The following IGFN1 variants were observed in gnomAD, a reference collection of about 807,000 sequenced individuals.
The protein encoded by IGFN1 is immunoglobulin like and fibronectin type III domain containing 1, also known as immunoglobulin-like and fibronectin type III domain-containing protein 1.
IGFN1 carries 253 observed loss-of-function variants against 289.5 expected under a neutral mutation model. The observed-to-expected ratio is 0.87, with a 90% CI of 0.79 to 0.97. The LOEUF (loss-of-function observed/expected upper bound fraction) is 0.97. IGFN1 is among the 50% of genes least tolerant of loss of function. IGFN1 has a pLI of 0.00. For missense variants in IGFN1, 4,470 were observed against 4,686.1 expected (o/e 0.95, Z 1.35); for synonymous variants, 1,706 against 1,788.5 (o/e 0.95, Z 1.16).
Position 201,221,711 on chromosome 1 carries a change from C to A in IGFN1, c.10166C>A (p.Ala3389Asp), listed in dbSNP as rs935923217. 6.2e-7 allele frequency: 1 copy of A among 1,608,926 alleles called. No homozygotes were observed. Among genetic ancestry groups the A allele is most frequent in the Non-Finnish European group, 8.5e-7 (1 of 1,177,164 alleles). Residue 3389 changes from alanine (A) to aspartate (D), a missense_variant, in exon 19 of 24, where the codon GCC (alanine) becomes GAC (aspartate). Ala to Asp is a moderately radical substitution (Grantham distance 126). This residue lies in a region of IGFN1 where 2,218 missense variants were observed against 2,114.1 expected (regional missense o/e 1.05). Coordinates refer to ENST00000335211, the MANE Select transcript of IGFN1 (RefSeq NM_001164586.2). ...VNEGGQSQPS[A>D]LDTLVQAMPV... Reference sequence around the variant, plus strand: ...GAAGGAGGCCAGAGCCAGCCCAGTGCCCTGGACACATTAGTGCAAGCCATG... The same window carrying A: ...GAAGGAGGCCAGAGCCAGCCCAGTGACCTGGACACATTAGTGCAAGCCATG...
chr1:201,210,850 G>A lies in IGFN1; in HGVS notation c.5957G>A (p.Gly1986Asp). The stretch of plus-strand genomic sequence containing the variant: ...GAAGGTTTCAGGGATGGTTTAGGGG[G>A]TTCTGAGGAAATGGGGTCAATGGAT... ...SKEGFRDGLG[G>D]SEEMGSMDEA... Residue 1986 changes from glycine (G) to aspartate (D), a missense_variant, in exon 12 of 24, where the codon GGT becomes GAT. By Grantham distance (94) the Gly-to-Asp change is moderately conservative. Coordinates refer to ENST00000335211, the MANE Select transcript of IGFN1 (RefSeq NM_001164586.2). 1.9e-5 allele frequency: 29 copies of A among 1,534,890 alleles called. 1 individual carries two copies. The highest frequency in any genetic ancestry group is 2.5e-5 in the East Asian group (1 of 40,726).
chr1:201,219,620 G>T (rs55792809), intron 18 of IGFN1, among the ~76,000 whole-genome samples: 12 of 152,200 alleles, frequency 7.9e-5, no homozygotes, highest in Admixed American at 3.3e-4. Flanking sequence ...GTTTGCCTAC[G>T]CCAAGTCCTC....
chr1:201,212,493 G>A lies in IGFN1; in HGVS notation c.7600G>A (p.Val2534Met), dbSNP rs1413357553. The change falls in exon 12 of 24, where the codon GTG becomes ATG. Residue 2534 changes from valine (V) to methionine (M), a missense_variant. By Grantham distance (21) the Val-to-Met change is conservative (BLOSUM62 1). Around this residue, in one of 8 missense-constraint regions of IGFN1, gnomAD observed 2,218 missense variants for 2,114.1 expected, o/e 1.05. Coordinates refer to ENST00000335211, the MANE Select transcript of IGFN1 (RefSeq NM_001164586.2). Reference sequence around the variant, plus strand: ...TGGGTTTCTTGATGGCAAGGGGGCAGTGGAAGGTGAGACCTGGGCAGGAAT... The same window carrying A: ...TGGGTTTCTTGATGGCAAGGGGGCAATGGAAGGTGAGACCTGGGCAGGAAT... ...ASGFLDGKGA[V>M]EGETWAGMAA... 6.5e-7 allele frequency: 1 copy of A among 1,542,420 alleles called. No homozygotes were observed. Among genetic ancestry groups the A allele is most frequent in the Non-Finnish European group, 8.7e-7 (1 of 1,146,846 alleles).
intron 23 of IGFN1, among the ~76,000 whole-genome samples, 180 bp from the exon 24 acceptor site, chr1:201,228,206 G>A (rs1198657472): frequency 6.6e-6 from 1 of 152,190 alleles, no homozygotes; most frequent in Non-Finnish European, 1.5e-5. Context: ...GTTCCCCGAG[G>A]GGCCAGCAAA....
Position 201,207,910 on chromosome 1 carries a change from G to A in IGFN1, c.3017G>A (p.Gly1006Glu), listed in dbSNP as rs768179777. ...RAPAGVESEE[G>E]GGYRHGSGAP... is the part of the protein sequence containing the mutation. ...CCTGCGGGAGTGGAGTCTGAGGAAG[G>A]GGGTGGGTACAGGCATGGCTCCGGA... The change falls in exon 12 of 24, where the codon GGG becomes GAG. Residue 1006 changes from glycine (G) to glutamate (E), a missense_variant. Coordinates refer to ENST00000335211, the MANE Select transcript of IGFN1 (RefSeq NM_001164586.2). 3.3e-6 allele frequency: 5 copies of A among 1,536,774 alleles called. No homozygotes were observed. The highest frequency in any genetic ancestry group is 2.4e-5 in the East Asian group (1 of 40,916).
Position 201,213,193 on chromosome 1 carries a change from G to T in IGFN1, c.8300G>T (p.Gly2767Val). 1.3e-6 allele frequency: 2 copies of T among 1,551,690 alleles called. No individual in the cohort carries two copies. The highest frequency in any genetic ancestry group is 1.4e-5 in the African/African-American group (1 of 73,170). The change falls in exon 12 of 24, where the codon GGA becomes GTA. Residue 2767 changes from glycine (G) to valine (V), a missense_variant. By Grantham distance (109) the Gly-to-Val change is moderately radical. Around this residue, in one of 8 missense-constraint regions of IGFN1, gnomAD observed 2,218 missense variants for 2,114.1 expected, o/e 1.05. Coordinates refer to ENST00000335211, the MANE Select transcript of IGFN1 (RefSeq NM_001164586.2). ...GACCTGAGCTCTCAGCGAGGCAAGGGACAGAGAGGAGGAAAGAGGTCCCTC... is the reference window on the plus strand; with the variant it reads ...GACCTGAGCTCTCAGCGAGGCAAGGTACAGAGAGGAGGAAAGAGGTCCCTC... ...TQDLSSQRGK[G>V]QRGGKRSLGE... is the part of the protein sequence containing the mutation.
intron 18 of IGFN1, 137 bp from the exon 19 acceptor site, chr1:201,221,307 G>T (rs1558158685): frequency 1.5e-6 from 1 of 667,900 alleles, no homozygotes; most frequent in Non-Finnish European, 2.5e-6. Flanking sequence ...CAAGGTAGGT[G>T]CTTCAGGAAG....
At position 201,197,354 on chromosome 1, in the gene IGFN1, G is replaced by A. The variant is rs1346549179; in HGVS notation, c.367+37G>A. ...CCTGAGTTTGTCTCATCAGTGCACAGGGCAGAGACCCACAGAGGAATCAGA... is the reference window on the plus strand; with the variant it reads ...CCTGAGTTTGTCTCATCAGTGCACAAGGCAGAGACCCACAGAGGAATCAGA... On this transcript the variant is annotated intron_variant, in intron 5 of 23. Coordinates refer to ENST00000335211, the MANE Select transcript of IGFN1 (RefSeq NM_001164586.2). 7 of 1,324,646 alleles carry A rather than the reference G, an allele frequency of 5.3e-6. No individual in the cohort carries two copies. The Admixed American group carries it at 1.4e-4, about 26-fold the overall frequency. The allele number at this position is 1,324,646 out of a possible 1,614,324, so 82.1% of individuals were successfully genotyped here.
At chr1:201,194,669 G>A in intron 3 of IGFN1, among the ~76,000 whole-genome samples, 1 of 152,216 alleles carries the variant, frequency 6.6e-6, no homozygotes, top group East Asian at 1.9e-4. Flanking sequence ...CTCGCCTCCA[G>A]GCAGCAGCAC....
chr1:201,215,539 A>AT lies in IGFN1; in HGVS notation c.8998dup (p.Ser3000PhefsTer46). On this transcript the variant is annotated frameshift_variant and splice_region_variant, in exon 15 of 24. Coordinates refer to ENST00000335211, the MANE Select transcript of IGFN1 (RefSeq NM_001164586.2). LOFTEE classifies it high-confidence loss of function. ...CTTGACTCTCTTGTTTTATTTCTAG[A>AT]TTCCCCTACCATTGCTCCAGATGTG... The AT allele has an allele frequency of 6.4e-7, 1 of 1,550,490 alleles. No individual in the cohort carries two copies. Among genetic ancestry groups the AT allele is most frequent in the Non-Finnish European group, 8.7e-7 (1 of 1,147,088 alleles).
At position 201,209,319 on chromosome 1, in the gene IGFN1, G is replaced by T. The variant is rs1185342714; in HGVS notation, c.4426G>T (p.Ala1476Ser). The change falls in exon 12 of 24, where the codon GCA (alanine) becomes TCA (serine). Residue 1476 changes from alanine to serine, a missense_variant. Physicochemically the swap from Ala to Ser is moderately conservative, Grantham distance 99. Around this residue, in one of 8 missense-constraint regions of IGFN1, gnomAD observed 2,011 missense variants for 1,953.4 expected, o/e 1.03. Transcript: ENST00000335211. ...TGAGAGAATGGATTCAGGGAGCAAG[G>T]CAGGTTACAGGGGTGGTTTAAGGGG... ...APERMDSGSK[A>S]GYRGGLRGSG... 1 of 1,483,854 alleles carries T rather than the reference G, an allele frequency of 6.7e-7. No individual in the cohort carries two copies. Among genetic ancestry groups the T allele is most frequent in the African/African-American group, 1.4e-5 (1 of 70,920 alleles). 91.9% of individuals were successfully genotyped at this position (1,483,854 alleles called of 1,614,324 possible).
intron 16 of IGFN1, 145 bp from the exon 17 acceptor site, chr1:201,217,142 G>A (rs529775653): frequency 2.9e-6 from 2 of 688,984 alleles, no homozygotes; most frequent in Non-Finnish European, 4.9e-6. Context: ...ACTGACCTAG[G>A]GCGGGCTGCC....
chr1:201,213,295 G>T lies in IGFN1; in HGVS notation c.8402G>T (p.Gly2801Val), dbSNP rs765417542. Residue 2801 changes from glycine (G) to valine (V), a missense_variant, in exon 12 of 24, where the codon GGA becomes GTA. Transcript: ENST00000335211. ...GCCCTAAAGGAGGATGAAGGGCAGG[G>T]AGTGGAAGAGGCTGGGAGGTCAGGC... ...PGALKEDEGQGVEEAGRSGRR... is the reference protein window; with the variant it reads ...PGALKEDEGQVVEEAGRSGRR... 7 of 1,564,878 alleles carry T rather than the reference G, an allele frequency of 4.5e-6. No homozygotes were observed. Among genetic ancestry groups the T allele is most frequent in the Admixed American group, 1.9e-5 (1 of 51,786 alleles).
chr1:201,216,858 G>C (rs1172180837), intron 16 of IGFN1, 105 bp downstream of exon 16: 5 of 984,038 alleles, frequency 5.1e-6, no homozygotes, highest in Non-Finnish European at 7.5e-6. Flanking sequence ...GCCTGTGCTC[G>C]GGGCTTCGGA....
At chr1:201,197,877 C>T (rs1236230530) in intron 5 of IGFN1, among the ~76,000 whole-genome samples, 1 of 152,194 alleles carries the variant, frequency 6.6e-6, no homozygotes, top group Non-Finnish European at 1.5e-5. Flanking sequence ...ACAGAAAATC[C>T]TACTAAGAGC....
In IGFN1 at chr1:201,215,024, G is replaced by A. The variant is rs562324165; in HGVS notation, c.8865G>A (p.Gln2955=). Residue 2955 remains glutamine (Q), a synonymous_variant, in exon 14 of 24, where the codon CAG becomes CAA. Transcript: ENST00000335211. The part of the protein sequence containing the change: ...WFKDGVKLTT[Q]DGVIFKQDGL... ...GGCCCTGTCTCCAGCTCACCACCCA[G>A]GATGGAGTCATCTTTAAGCAAGACG... 3 of 1,613,940 alleles carry A rather than the reference G, an allele frequency of 1.9e-6. No homozygotes were observed. Among genetic ancestry groups the A allele is most frequent in the Admixed American group, 3.3e-5 (2 of 60,000 alleles).
rs558987789 is a variant in IGFN1, at chr1:201,208,621, G to A, written c.3728G>A (p.Ser1243Asn). 3 of 1,524,766 alleles carry A rather than the reference G, an allele frequency of 2.0e-6. No homozygotes were observed. The highest frequency in any genetic ancestry group is 4.9e-5 in the East Asian group (2 of 40,846). 94.5% of individuals were successfully genotyped at this position (1,524,766 alleles called of 1,614,324 possible). ...GERSRGLGPR[S>N]TGPGGEAGFR... Reference sequence around the variant, plus strand: ...AGGTCAAGGGGCCTTGGGCCTAGGAGTACAGGGCCAGGGGGTGAGGCAGGC... The same window carrying A: ...AGGTCAAGGGGCCTTGGGCCTAGGAATACAGGGCCAGGGGGTGAGGCAGGC... Residue 1243 changes from serine (S) to asparagine (N), a missense_variant, in exon 12 of 24, where the codon AGT becomes AAT. By Grantham distance (46) the Ser-to-Asn change is conservative. Coordinates refer to ENST00000335211, the MANE Select transcript of IGFN1 (RefSeq NM_001164586.2).
chr1:201,195,983 G>T lies in IGFN1; in HGVS notation c.267+5G>T. The T allele has an allele frequency of 6.4e-7, 1 of 1,551,440 alleles. No homozygotes were observed. Among genetic ancestry groups the T allele is most frequent in the South Asian group, 1.2e-5 (1 of 84,010 alleles). Reference sequence around the variant, plus strand: ...AGCAAGGAGCACGTGCTGCAGGTAAGAACCGTAGCTCTTCCCCTGACCAGG... The same window carrying T: ...AGCAAGGAGCACGTGCTGCAGGTAATAACCGTAGCTCTTCCCCTGACCAGG... On this transcript the variant is annotated splice_donor_5th_base_variant and intron_variant, in intron 4 of 23. Transcript: ENST00000335211.
intron 15 of IGFN1, 89 bp from the exon 16 acceptor site, chr1:201,216,365 C>T (rs921767013): frequency 2.2e-5 from 18 of 801,562 alleles, no homozygotes; most frequent in African/African-American, 4.6e-5. Flanking sequence ...GGGGGGGAGT[C>T]GGGGTGGCGG....
Sources: gnomAD v4.1 joint callset for allele counts (sites outside exome capture counted in the v4.1 genomes callset) on GRCh38, gnomAD v4.1.1 for gene constraint, gnomAD v4.1.1 regional missense constraint, MANE v1.5 for transcripts, NCBI Gene and HGNC (gene_info 2026-07-23, HGNC 2026-07-21) for gene names.